Variants in GRID2 observed in about 807,000 individuals in gnomAD.
GRID2 encodes the protein glutamate receptor ionotropic, delta-2.
A neutral mutation model predicts 114.8 loss-of-function variants in GRID2; 33 were observed. The observed-to-expected ratio is 0.29, with a 90% CI of 0.22 to 0.38. GRID2 has a LOEUF of 0.38. GRID2 is among the 10% of genes least tolerant of loss of function. The pLI, the probability that GRID2 is intolerant of heterozygous loss-of-function variation, is 1.00. For synonymous variants in GRID2, 505 were observed against 449.9 expected (o/e 1.12, Z -1.55); for missense variants, 1,184 against 1,257.7 (o/e 0.94, Z 0.89).
At position 93,312,017 on chromosome 4, in the gene GRID2, A is replaced by G. The variant is rs145707568; in HGVS notation, c.1245+73527A>G. The stretch of plus-strand genomic sequence containing the variant: ...GAGAAGTAAAATTTTTAGGCAGGAG[A>G]GATTTGAATATATGTATATTCTCTG... On this transcript the variant is annotated intron_variant, in intron 8 of 15. Transcript: ENST00000282020. Among the ~76,000 whole-genome samples the G allele has an allele frequency of 2.2e-3, 340 of 152,266 alleles. 3 individuals carry two copies. In the East Asian group the frequency reaches 0.046, roughly 20 times the overall value.
intron 8 of GRID2, among the ~76,000 whole-genome samples, chr4:93,351,101 C>A (rs2149260807): frequency 6.6e-6 from 1 of 152,206 alleles, no homozygotes. Context: ...CAATGTTCCA[C>A]CTGTCCCTGC....
At chr4:92,704,723 T>C (rs58146500) in intron 2 of GRID2, among the ~76,000 whole-genome samples, 2,223 of 89,662 alleles carry the variant, frequency 0.025, 27 homozygotes, top group African/African-American at 0.04. Flanking sequence ...CTCTCTCTCT[T>C]TCTCTCTCTC....
intron 8 of GRID2, among the ~76,000 whole-genome samples, chr4:93,331,187 A>C (rs1758397424): frequency 1.6e-5 from 2 of 125,010 alleles, no homozygotes; most frequent in Admixed American, 1.0e-4. Context: ...CCCCTTTTCC[A>C]CTTCATTCTG....
At chr4:93,782,259 T>C (rs1441640729) in intron 1 of GRID2, among the ~76,000 whole-genome samples, 1 of 152,008 alleles carries the variant, frequency 6.6e-6, no homozygotes, top group Non-Finnish European at 1.5e-5. Context: ...CAGACAGACA[T>C]ACCTGAATGG....
intron 14 of GRID2, among the ~76,000 whole-genome samples, chr4:93,767,367 GAAT>G (rs1451574072): frequency 1.3e-5 from 2 of 152,138 alleles, no homozygotes; most frequent in Non-Finnish European, 2.9e-5. Context: ...GCTTTTTCTG[GAAT>G]GGAAGCTGGA....
chr4:93,108,036 T>C (rs1403697155), intron 3 of GRID2, among the ~76,000 whole-genome samples: 2 of 152,176 alleles, frequency 1.3e-5, no homozygotes, highest in Non-Finnish European at 2.9e-5. Flanking sequence ...TGGTCTCCTA[T>C]AGATTTTTGA....
At chr4:92,714,354 T>C (rs1836439) in intron 2 of GRID2, among the ~76,000 whole-genome samples, 33,457 of 152,084 alleles carry the variant, frequency 0.22, 4,014 homozygotes, top group East Asian at 0.43. Context: ...CTCTCAGGTG[T>C]TTTCACAGGC....
At chr4:93,661,807 C>G (rs1309956029) in intron 14 of GRID2, among the ~76,000 whole-genome samples, 2 of 152,174 alleles carry the variant, frequency 1.3e-5, no homozygotes, top group Non-Finnish European at 2.9e-5. Context: ...CACTCTGGCT[C>G]TCTTACAGTG....
At chr4:92,497,923 C>A (rs1321068917) in intron 1 of GRID2, among the ~76,000 whole-genome samples, 2 of 151,716 alleles carry the variant, frequency 1.3e-5, no homozygotes, top group African/African-American at 4.8e-5. Context: ...AAAGTGACTT[C>A]TTAAATCTTA....
chr4:93,086,833 A>G (rs373636270), intron 3 of GRID2, among the ~76,000 whole-genome samples: 4 of 152,172 alleles, frequency 2.6e-5, no homozygotes, highest in African/African-American at 9.7e-5. Flanking sequence ...CAACATGCTG[A>G]ATAAGACTGT....
At chr4:93,578,223 C>T (rs1736604044) in intron 13 of GRID2, among the ~76,000 whole-genome samples, 1 of 152,156 alleles carries the variant, frequency 6.6e-6, no homozygotes, top group Admixed American at 6.5e-5. Context: ...GCGCTTACAT[C>T]CACTTAGAGA....
chr4:93,519,021 G>T (rs142344165), intron 13 of GRID2, among the ~76,000 whole-genome samples: 1 of 152,256 alleles, frequency 6.6e-6, no homozygotes, highest in Non-Finnish European at 1.5e-5. Context: ...TCTGCATCAC[G>T]TGAGAGCTTC....
chr4:92,554,968 T>C (rs1426727491), intron 1 of GRID2, among the ~76,000 whole-genome samples: 1 of 152,176 alleles, frequency 6.6e-6, no homozygotes, highest in African/African-American at 2.4e-5. Context: ...TATAATAAGA[T>C]ATTTTGCATA....
At chr4:93,719,069 A>G (rs1451333802) in intron 14 of GRID2, among the ~76,000 whole-genome samples, 2 of 151,806 alleles carry the variant, frequency 1.3e-5, no homozygotes, top group African/African-American at 2.4e-5. Context: ...AATGTTATAT[A>G]TATTAAGTAT....
rs1203410026 is a variant in GRID2, at chr4:93,485,865, A to G, written c.1859-4774A>G. On this transcript the variant is annotated intron_variant, in intron 11 of 15. Coordinates refer to ENST00000282020, the MANE Select transcript of GRID2 (RefSeq NM_001510.4). ...CATATAAACTTTACATTCAGCTTCA[A>G]GCACATTTACTTGTGCACACACACA... Among the ~76,000 whole-genome samples the G allele has an allele frequency of 2.6e-5, 4 of 151,790 alleles. No individual in the cohort carries two copies. The East Asian group carries it at 7.8e-4, about 30-fold the overall frequency.
chr4:92,895,034 C>T (rs1223587019), intron 2 of GRID2, among the ~76,000 whole-genome samples: 1 of 151,878 alleles, frequency 6.6e-6, no homozygotes, highest in African/African-American at 2.4e-5. Context: ...AACCTGTCTC[C>T]CATATTTAAG....
intron 10 of GRID2, among the ~76,000 whole-genome samples, chr4:93,440,425 C>T (rs1721519216): frequency 6.6e-6 from 1 of 152,050 alleles, no homozygotes; most frequent in African/African-American, 2.4e-5. Flanking sequence ...TTCATTCTTA[C>T]ATGAGATTAA....
chr4:92,957,488 C>G (rs1446224201), intron 2 of GRID2, among the ~76,000 whole-genome samples: 3 of 152,016 alleles, frequency 2.0e-5, no homozygotes, highest in African/African-American at 7.2e-5. Context: ...TTTCTGGACT[C>G]TTTTCTGTTC....
intron 9 of GRID2, among the ~76,000 whole-genome samples, chr4:93,417,546 A>C (rs1162371295): frequency 6.6e-5 from 10 of 152,060 alleles, no homozygotes; most frequent in Non-Finnish European, 1.5e-4. Flanking sequence ...CCACCTCCCC[A>C]GTGCATCTTT....
Sources: allele counts gnomAD v4.1 joint callset (sites outside exome capture counted in the v4.1 genomes callset), GRCh38; gene constraint gnomAD v4.1.1; transcripts MANE v1.5; gene names NCBI Gene and HGNC (gene_info 2026-07-23, HGNC 2026-07-21).